The following GRK7 variants were observed in gnomAD, a reference collection of about 807,000 sequenced individuals.
GRK7 encodes rhodopsin kinase GRK7.
Under a neutral mutation model 34.1 loss-of-function variants are expected in GRK7, and 24 were observed. That is an observed-to-expected ratio of 0.70 (90% CI 0.51 to 0.99). The LOEUF (loss-of-function observed/expected upper bound fraction) is 0.99, where lower values mean the gene tolerates loss of function less well. Ranked by LOEUF, GRK7 falls within the 50% of genes least tolerant of loss-of-function variation. The probability of loss-of-function intolerance (pLI) is 0.00; values close to 1 mark genes in which losing one functional copy is unlikely to be tolerated. For synonymous variants in GRK7, 256 were observed against 279.4 expected, an observed-to-expected ratio of 0.92 and a Z score of 0.84; for missense variants, 644 against 707.3, an observed-to-expected ratio of 0.91 and a Z score of 1.02.
Position 141,778,727 on chromosome 3 carries a change from C to A in GRK7, c.443C>A (p.Thr148Lys), listed in dbSNP as rs2084655172. The change falls in exon 3 of 6, where the codon ACG becomes AAG. Residue 148 changes from threonine to lysine, a missense_variant. By Grantham distance (78) the Thr-to-Lys change is moderately conservative (BLOSUM62 -1). Coordinates refer to ENST00000682958, the MANE Select transcript of GRK7 (RefSeq NM_139209.3). This position sits in a 1 kb window ranked among gnomAD's most constrained non-coding sequence, Gnocchi z 4.1. Reference protein sequence around the residue: ...TTEEERVAAVTLAKAEAMAFL... With the variant: ...TTEEERVAAVKLAKAEAMAFL... ...GAGGAAGAGCGAGTGGCTGCAGTGA[C>A]GCTGGCCAAGGCTGAGGCCATGGCT... The A allele has an allele frequency of 1.9e-6, 3 of 1,612,040 alleles. No individual in the cohort carries two copies. The highest frequency in any genetic ancestry group is 2.7e-5 in the African/African-American group (2 of 74,910).
chr3:141,760,242 G>C (rs547280467), upstream of GRK7, among the ~76,000 whole-genome samples: 3 of 127,928 alleles, frequency 2.3e-5, no homozygotes, highest in Non-Finnish European at 5.0e-5. Context: ...GCTTTCTCTT[G>C]TGGGCATTTA....
rs988788821 is a variant in GRK7 at position 141,785,905 on chromosome 3, C to T, written c.1050+5094C>T. Among the ~76,000 whole-genome samples, 21 of 150,308 alleles carry T rather than the reference C, an allele frequency of 1.4e-4. 1 individual carries two copies. The highest frequency in any genetic ancestry group is 8.7e-4 in the Admixed American group (13 of 15,014). ...AGTGAGCTATGATCATGCCACTGCA[C>T]TCCAGCCTGGGTGACAGAACAATAC... On this transcript the variant is annotated intron_variant, in intron 4 of 5. Coordinates refer to ENST00000682958, the MANE Select transcript of GRK7 (RefSeq NM_139209.3).
chr3:141,781,497 A>G (rs1436026857), intron 4 of GRK7, among the ~76,000 whole-genome samples: 4 of 151,226 alleles, frequency 2.6e-5, no homozygotes, highest in African/African-American at 9.7e-5. Flanking sequence ...AGATCATGCC[A>G]CTGCACTCCA....
chr3:141,774,733 T>C (rs2107874434), intron 2 of GRK7, among the ~76,000 whole-genome samples, 53 bp downstream of exon 2: 1 of 151,832 alleles, frequency 6.6e-6, no homozygotes, highest in South Asian at 2.1e-4. Flanking sequence ...TTTTATAACT[T>C]CTATATTTTG....
chr3:141,751,333 A>G, the GRK7 span, among the ~76,000 whole-genome samples: 1 of 152,140 alleles, frequency 6.6e-6, no homozygotes, highest in Admixed American at 6.5e-5. Context: ...AGTTTATTGC[A>G]TGCCTGCTAT....
chr3:141,769,705 C>T (rs994358495), intron 1 of GRK7, among the ~76,000 whole-genome samples: 3 of 152,156 alleles, frequency 2.0e-5, no homozygotes, highest in African/African-American at 7.2e-5. Context: ...CCAGGCTCTG[C>T]TAATGAGGAA....
At chr3:141,785,751 AAG>A (rs1268537755) in intron 4 of GRK7, among the ~76,000 whole-genome samples, 2 of 151,206 alleles carry the variant, frequency 1.3e-5, no homozygotes, top group African/African-American at 2.4e-5. Context: ...ATGAAAGAGA[AAG>A]AGTCTGTCTC....
intron 5 of GRK7, 110 bp downstream of exon 5, chr3:141,808,029 T>C: frequency 1.0e-6 from 1 of 963,244 alleles, no homozygotes. Context: ...TATGATTTTC[T>C]TATTTTTATT....
chr3:141,752,955 G>T, the GRK7 span, among the ~76,000 whole-genome samples: 1 of 152,180 alleles, frequency 6.6e-6, no homozygotes, highest in Non-Finnish European at 1.5e-5. Context: ...CATCAACCCT[G>T]CTGGCACCTT....
Position 141,780,392 on chromosome 3 carries a change from A to G in GRK7, c.631A>G (p.Lys211Glu). ...CTTTAAGGTATGTGCCGTCCAGGTG[A>G]AAAACACTGGGAAGATGTATGCCTG... ...GFGEVCAVQV[K>E]NTGKMYACKK... Residue 211 changes from lysine (K) to glutamate (E), a missense_variant, in exon 4 of 6, where the codon AAA becomes GAA. Coordinates refer to ENST00000682958, the MANE Select transcript of GRK7 (RefSeq NM_139209.3). 6.2e-7 allele frequency: 1 copy of G among 1,614,082 alleles called. No individual in the cohort carries two copies. Among genetic ancestry groups the G allele is most frequent in the Non-Finnish European group, 8.5e-7 (1 of 1,179,968 alleles).
At chr3:141,779,907 G>A (rs957806328) in intron 3 of GRK7, among the ~76,000 whole-genome samples, 14 of 152,164 alleles carry the variant, frequency 9.2e-5, no homozygotes, top group African/African-American at 3.1e-4. Context: ...ATTTCATGTA[G>A]CCATTCATCT....
chr3:141,802,749 C>T (rs1015021778), intron 4 of GRK7, among the ~76,000 whole-genome samples: 1 of 152,086 alleles, frequency 6.6e-6, no homozygotes, highest in African/African-American at 2.4e-5. Context: ...AACTGGATGA[C>T]ATGTCGGCAA....
intron 4 of GRK7, among the ~76,000 whole-genome samples, chr3:141,799,402 C>T (rs556359654): frequency 2.6e-4 from 40 of 152,108 alleles, no homozygotes; most frequent in African/African-American, 8.9e-4. Flanking sequence ...CACAGGAGGT[C>T]GGGAGTTCGA....
intron 4 of GRK7, among the ~76,000 whole-genome samples, chr3:141,783,361 T>A (rs1472517617): frequency 6.6e-6 from 1 of 152,242 alleles, no homozygotes; most frequent in Non-Finnish European, 1.5e-5. Flanking sequence ...CCGGCTCATG[T>A]CCAGGCCATG....
intron 4 of GRK7, among the ~76,000 whole-genome samples, chr3:141,803,535 C>T (rs571199005): frequency 1.3e-5 from 2 of 152,328 alleles, no homozygotes; most frequent in South Asian, 4.1e-4. Context: ...TCAGCAGTCA[C>T]TTCCATTACA....
intron 5 of GRK7, among the ~76,000 whole-genome samples, chr3:141,810,196 A>G (rs752493453): frequency 1.8e-4 from 28 of 151,912 alleles, no homozygotes; most frequent in Non-Finnish European, 4.1e-4. Flanking sequence ...CTGGGTTTCC[A>G]GCCTGCTAAA....
rs761429653 is a variant in GRK7, at chr3:141,817,020, A to T, written c.1632A>T (p.Ser544=). The change falls in exon 6 of 6, where the codon TCA becomes TCT. Residue 544 remains serine (S), a synonymous_variant. Transcript: ENST00000682958. Reference sequence around the variant, plus strand: ...CTACGGGTTGTGAGGAGGGTAATTCATCCAAGTCTGGCGTGTGTTTGTTAT... The same window carrying T: ...CTACGGGTTGTGAGGAGGGTAATTCTTCCAAGTCTGGCGTGTGTTTGTTAT... The part of the protein sequence containing the change: ...NRPTGCEEGN[S]SKSGVCLLL The T allele has an allele frequency of 6.2e-7, 1 of 1,609,478 alleles. No homozygotes were observed. Among genetic ancestry groups the T allele is most frequent in the Admixed American group, 1.7e-5 (1 of 59,296 alleles).
At chr3:141,752,939 C>G in the GRK7 span, among the ~76,000 whole-genome samples, 927 of 152,308 alleles carry the variant, frequency 6.1e-3, 5 homozygotes, top group Non-Finnish European at 0.011. Context: ...GAGAGCACTC[C>G]CCAGCCATCA....
In GRK7 at chr3:141,778,201, C is replaced by T. The variant is rs181765052; in HGVS notation, c.-84C>T. The T allele has an allele frequency of 2.5e-5, 37 of 1,485,686 alleles. No individual in the cohort carries two copies. In the African/African-American group the frequency reaches 4.5e-4, roughly 18 times the overall value. 92.0% of individuals were successfully genotyped at this position (1,485,686 alleles called of 1,614,324 possible). On this transcript the variant is annotated 5_prime_UTR_variant, in exon 3 of 6. In the 5' UTR this introduces an upstream ATG that the reference lacks. Coordinates refer to ENST00000682958, the MANE Select transcript of GRK7 (RefSeq NM_139209.3). The surrounding 1 kb of genome is among the most constrained non-coding windows in gnomAD (Gnocchi z 4.1). ...CAGGACTCACTGTAAATCCCTTGGA[C>T]GTTGTCTCACCCGGGAAGGGAAAGC...
Sources: allele counts gnomAD v4.1 joint callset (sites outside exome capture counted in the v4.1 genomes callset), GRCh38; gene constraint gnomAD v4.1.1; non-coding constraint Gnocchi (gnomAD v3.1); transcripts MANE v1.5; gene names NCBI Gene and HGNC (gene_info 2026-07-23, HGNC 2026-07-21).